The following TUBGCP3 variants were observed in gnomAD, a reference collection of about 807,000 sequenced individuals.
TUBGCP3 encodes the protein gamma-tubulin complex component 3.
TUBGCP3 carries 50 observed loss-of-function variants against 123.1 expected under a neutral mutation model. The observed-to-expected ratio is 0.41, with a 90% CI of 0.32 to 0.51. TUBGCP3 has a LOEUF of 0.51. Among genes scored for constraint, TUBGCP3 ranks in the 20% least tolerant of loss-of-function variants. TUBGCP3 has a pLI of 0.36. For synonymous variants in TUBGCP3, 405 were observed against 413.9 expected (o/e 0.98, Z 0.26); for missense variants, 882 against 1,127.0 (o/e 0.78, Z 3.11).
At chr13:112,594,955 T>C in the TUBGCP3 span, among the ~76,000 whole-genome samples, 1 of 152,196 alleles carries the variant, frequency 6.6e-6, no homozygotes, top group Non-Finnish European at 1.5e-5. Context: ...TTGAGGTTTG[T>C]TTGATAGTCA....
intron 5 of TUBGCP3, among the ~76,000 whole-genome samples, chr13:112,557,009 C>T (rs1880104732): frequency 6.6e-6 from 1 of 152,062 alleles, no homozygotes; most frequent in African/African-American, 2.4e-5. Flanking sequence ...GGGGGTTTAT[C>T]CATAATCCAC....
intron 11 of TUBGCP3, among the ~76,000 whole-genome samples, chr13:112,542,622 T>C (rs9550138): frequency 1.3e-5 from 2 of 152,146 alleles, no homozygotes; most frequent in African/African-American, 2.4e-5. Flanking sequence ...ATAGATGGCA[T>C]GTATATGTAT....
At chr13:112,549,585 T>C (rs1255854412) in intron 8 of TUBGCP3, among the ~76,000 whole-genome samples, 1 of 152,120 alleles carries the variant, frequency 6.6e-6, no homozygotes, top group African/African-American at 2.4e-5. Context: ...TTAACAAAAT[T>C]TTAAAATTGG....
intron 8 of TUBGCP3, among the ~76,000 whole-genome samples, chr13:112,549,474 A>G (rs887820831): frequency 6.8e-6 from 1 of 146,916 alleles, no homozygotes; most frequent in African/African-American, 2.7e-5. Flanking sequence ...CCTAAAACTT[A>G]AGGTATAATA....
chr13:112,498,903 C>A (rs2274574), intron 20 of TUBGCP3, 142 bp downstream of exon 20: 46,283 of 1,613,340 alleles, frequency 0.029, 4,164 homozygotes, highest in African/African-American at 0.26. Flanking sequence ...AGTGATTTCT[C>A]GGGACTTCAA....
chr13:112,509,239 G>A (rs778786043), intron 17 of TUBGCP3, among the ~76,000 whole-genome samples: 1 of 152,186 alleles, frequency 6.6e-6, no homozygotes, highest in Non-Finnish European at 1.5e-5. Flanking sequence ...ATGCCACTTG[G>A]ATTTTCCCGT....
intron 1 of TUBGCP3, among the ~76,000 whole-genome samples, chr13:112,581,484 C>T (rs570549431): frequency 3.3e-5 from 5 of 152,098 alleles, no homozygotes; most frequent in African/African-American, 1.2e-4. Context: ...CTCACTCTGT[C>T]GCCCAGGCTG....
At chr13:112,572,496 C>G (rs1351675298) in intron 1 of TUBGCP3, among the ~76,000 whole-genome samples, 1 of 152,046 alleles carries the variant, frequency 6.6e-6, no homozygotes, top group Non-Finnish European at 1.5e-5. Context: ...TCAACTCCCA[C>G]TTATGAGTGA....
chr13:112,600,112 G>A, the TUBGCP3 span, among the ~76,000 whole-genome samples: 1 of 152,170 alleles, frequency 6.6e-6, no homozygotes, highest in Non-Finnish European at 1.5e-5. Flanking sequence ...CCTTTTAGCT[G>A]AGGCGACGCT....
upstream of TUBGCP3, among the ~76,000 whole-genome samples, chr13:112,589,518 A>G (rs538612699): frequency 7.1e-4 from 108 of 152,408 alleles, no homozygotes; most frequent in African/African-American, 2.5e-3. Context: ...AGCATTAATT[A>G]GAGCCTGTCA....
intron 7 of TUBGCP3, 38 bp downstream of exon 7, chr13:112,554,849 T>C: frequency 1.4e-6 from 2 of 1,449,478 alleles, no homozygotes; most frequent in Non-Finnish European, 1.9e-6. Flanking sequence ...ATGTTTTTTC[T>C]TTCTGAATAT....
intron 20 of TUBGCP3, among the ~76,000 whole-genome samples, chr13:112,495,497 C>T (rs1412225110): frequency 6.6e-6 from 1 of 152,014 alleles, no homozygotes; most frequent in African/African-American, 2.4e-5. Context: ...TGATATTTTC[C>T]ATCTATTGAG....
At chr13:112,568,289 A>G (rs1293301386) in intron 2 of TUBGCP3, among the ~76,000 whole-genome samples, 110 of 105,002 alleles carry the variant, frequency 1.0e-3, no homozygotes, top group African/African-American at 1.3e-3. Flanking sequence ...CTTCTAGAAC[A>G]TGTTATTATT....
rs1188491003 is a variant in TUBGCP3, at chr13:112,545,479, G to A, written c.1335+220C>T. On this transcript the variant is annotated intron_variant, in intron 11 of 21. Coordinates refer to ENST00000261965, the MANE Select transcript of TUBGCP3 (RefSeq NM_006322.6). The surrounding 1 kb of genome is among the most constrained non-coding windows in gnomAD (Gnocchi z 4.1). ...ATTCCACCTTGCTGAGGAATAAACTGGGACAATTCTCCACTAACCAAAGAA... is the reference window on the plus strand; with the variant it reads ...ATTCCACCTTGCTGAGGAATAAACTAGGACAATTCTCCACTAACCAAAGAA... 4 of 499,960 alleles carry A rather than the reference G, an allele frequency of 8.0e-6. No homozygotes were observed. The highest frequency in any genetic ancestry group is 1.9e-5 in the African/African-American group (1 of 52,606). The allele number at this position is 499,960 out of a possible 1,614,324, so 31.0% of individuals were successfully genotyped here.
chr13:112,587,803 C>T (rs892536215), intron 1 of TUBGCP3, 102 bp downstream of exon 1: 4 of 1,095,470 alleles, frequency 3.7e-6, no homozygotes, highest in Middle Eastern at 2.2e-4. Context: ...CTGCCCGGCC[C>T]TGCATCCTCG....
chr13:112,545,794 G>A lies in TUBGCP3; in HGVS notation c.1240C>T (p.Leu414=). ...ACGAGGCTGAGGATGTGCTGCACCA[G>A]AGACCGCATGTACGGGTCTCCTGTT... The part of the protein sequence containing the change: ...TKTGDPYMRS[L]VQHILSLVSH... The change falls in exon 11 of 22, where the codon CTG becomes TTG. Residue 414 remains leucine, a synonymous_variant. Transcript: ENST00000261965. This position sits in a 1 kb window ranked among gnomAD's most constrained non-coding sequence, Gnocchi z 4.1. The A allele has an allele frequency of 1.2e-6, 2 of 1,614,206 alleles. No individual in the cohort carries two copies. Among genetic ancestry groups the A allele is most frequent in the Non-Finnish European group, 1.7e-6 (2 of 1,180,040 alleles).
At chr13:112,536,301 T>C (rs184600788) in intron 11 of TUBGCP3, among the ~76,000 whole-genome samples, 40 of 152,378 alleles carry the variant, frequency 2.6e-4, no homozygotes, top group African/African-American at 7.2e-4. Flanking sequence ...TTGATAGACA[T>C]TGCATTGAAA....
At chr13:112,538,621 G>C (rs892364716) in intron 11 of TUBGCP3, among the ~76,000 whole-genome samples, 1 of 151,970 alleles carries the variant, frequency 6.6e-6, no homozygotes, top group Non-Finnish European at 1.5e-5. Context: ...TTTAACTCCA[G>C]AATTTCTATT....
chr13:112,567,015 T>A (rs1881003409), intron 2 of TUBGCP3, among the ~76,000 whole-genome samples: 1 of 152,240 alleles, frequency 6.6e-6, no homozygotes. Context: ...TCAACAACTG[T>A]AATCAAATTT....
Sources: allele counts gnomAD v4.1 joint callset (sites outside exome capture counted in the v4.1 genomes callset), GRCh38; gene constraint gnomAD v4.1.1; non-coding constraint Gnocchi (gnomAD v3.1); transcripts MANE v1.5; gene names NCBI Gene and HGNC (gene_info 2026-07-23, HGNC 2026-07-21).